TOGARAM1: variants seen among roughly 807,000 people sequenced by gnomAD.
The protein encoded by TOGARAM1 is TOG array regulator of axonemal microtubules 1, also known as TOG array regulator of axonemal microtubules protein 1.
TOGARAM1 carries 100 observed loss-of-function variants against 166.6 expected under a neutral mutation model. The ratio of observed to expected loss-of-function variants is 0.60; its 90% confidence interval spans 0.51 to 0.71. TOGARAM1 has a LOEUF of 0.71. Among genes scored for constraint, TOGARAM1 ranks in the 30% least tolerant of loss-of-function variants. The pLI, the probability that TOGARAM1 is intolerant of heterozygous loss-of-function variation, is 0.00. For synonymous variants in TOGARAM1, 758 were observed against 763.8 expected (o/e 0.99, Z 0.13); for missense variants, 2,029 against 2,102.7 (o/e 0.96, Z 0.69).
intron 1 of TOGARAM1, among the ~76,000 whole-genome samples, chr14:44,974,652 G>A (rs72621070): frequency 0.048 from 7,368 of 152,168 alleles, 241 homozygotes; most frequent in East Asian, 0.13. Context: ...AGGTGGGGAA[G>A]TGATCTATAG....
chr14:45,005,883 C>G, intron 4 of TOGARAM1, 125 bp from the exon 5 acceptor site: 1 of 685,034 alleles, frequency 1.5e-6, no homozygotes, highest in Non-Finnish European at 2.3e-6. Context: ...AGCTTGTTCT[C>G]CCCAGTGACC....
chr14:45,069,683 T>C (rs1307463961), intron 18 of TOGARAM1, among the ~76,000 whole-genome samples: 1 of 152,060 alleles, frequency 6.6e-6, no homozygotes, highest in Non-Finnish European at 1.5e-5. Context: ...CACACAAGTA[T>C]TAGAACATCC....
At chr14:45,015,895 T>A (rs547869810) in intron 7 of TOGARAM1, among the ~76,000 whole-genome samples, 1 of 152,226 alleles carries the variant, frequency 6.6e-6, no homozygotes, top group East Asian at 1.9e-4. Flanking sequence ...CTTTTAAGAT[T>A]TAATATCTCT....
intron 13 of TOGARAM1, among the ~76,000 whole-genome samples, chr14:45,045,543 G>GTGTGTGTATGTGTATA (rs1457434775): frequency 5.1e-5 from 2 of 38,922 alleles, no homozygotes; most frequent in African/African-American, 1.8e-4. Context: ...GTCTGTGTGT[G>GTGTGTGTATGTGTATA]TATATATATA....
intron 10 of TOGARAM1, among the ~76,000 whole-genome samples, chr14:45,029,554 T>C (rs1881042819): frequency 6.6e-6 from 1 of 152,230 alleles, no homozygotes; most frequent in Non-Finnish European, 1.5e-5. Context: ...GCTCTGTTTA[T>C]GGTTATGAAC....
chr14:44,999,581 G>T, intron 3 of TOGARAM1, 84 bp downstream of exon 3: 2 of 1,113,302 alleles, frequency 1.8e-6, no homozygotes, highest in Non-Finnish European at 2.5e-6. Context: ...GATATTTTGT[G>T]TACTCATACT....
At chr14:45,003,105 T>C (rs1391517210) in intron 3 of TOGARAM1, among the ~76,000 whole-genome samples, 1 of 152,222 alleles carries the variant, frequency 6.6e-6, no homozygotes, top group African/African-American at 2.4e-5. Flanking sequence ...TAATTCTATA[T>C]GTAAATCTGT....
Position 45,068,458 on chromosome 14 carries a change from C to G in TOGARAM1, c.4784C>G (p.Ser1595Cys), listed in dbSNP as rs756509825. 7 of 1,611,762 alleles carry G rather than the reference C, an allele frequency of 4.3e-6. No individual in the cohort carries two copies. Among genetic ancestry groups the G allele is most frequent in the African/African-American group, 1.3e-5 (1 of 74,844 alleles). Residue 1595 changes from serine (S) to cysteine (C), a missense_variant, in exon 18 of 20, where the codon TCT becomes TGT. Around this residue, in one of 2 missense-constraint regions of TOGARAM1, gnomAD observed 576 missense variants for 670.5 expected, o/e 0.86. Coordinates refer to ENST00000361462, the MANE Select transcript of TOGARAM1 (RefSeq NM_001308120.2). ...GCTTTTAAATCTCGACTTCATGATT[C>G]TAATAGTAAAGTAAATCTGGTGGCT... ...FDAFKSRLHD[S>C]NSKVNLVALE...
chr14:45,032,690 A>T (rs1174205786), intron 11 of TOGARAM1, among the ~76,000 whole-genome samples: 2 of 152,204 alleles, frequency 1.3e-5, no homozygotes, highest in Admixed American at 6.5e-5. Flanking sequence ...TATAATTATT[A>T]ATAGTCCTGG....
At chr14:45,031,702 A>G (rs1471143641) in intron 10 of TOGARAM1, among the ~76,000 whole-genome samples, 5 of 152,220 alleles carry the variant, frequency 3.3e-5, no homozygotes, top group Admixed American at 3.3e-4. Flanking sequence ...AATTTTGCAT[A>G]TAAAAAGTAA....
chr14:44,962,584 G>A lies in TOGARAM1; in HGVS notation c.163G>A (p.Gly55Arg). Residue 55 changes from glycine to arginine, a missense_variant, in exon 1 of 20, where the codon GGG becomes AGG. By Grantham distance (125) the Gly-to-Arg change is moderately radical. Transcript: ENST00000361462. ...AAACTACTACTTCCGTGGAGCTGCGGGGGACCACGGTTCCTGCCCCACTAC... is the reference window on the plus strand; with the variant it reads ...AAACTACTACTTCCGTGGAGCTGCGAGGGACCACGGTTCCTGCCCCACTAC... ...EKNYYFRGAA[G>R]DHGSCPTTTS... The A allele has an allele frequency of 6.2e-7, 1 of 1,613,878 alleles. No homozygotes were observed.
At chr14:44,969,978 T>C (rs1885792524) in intron 1 of TOGARAM1, among the ~76,000 whole-genome samples, 1 of 152,252 alleles carries the variant, frequency 6.6e-6, no homozygotes, top group Non-Finnish European at 1.5e-5. Context: ...AGTGTCAGTC[T>C]TCTGACTTTG....
chr14:45,059,016 C>A (rs952111969), intron 16 of TOGARAM1, among the ~76,000 whole-genome samples: 1 of 152,136 alleles, frequency 6.6e-6, no homozygotes, highest in Non-Finnish European at 1.5e-5. Flanking sequence ...ATAGTGATGA[C>A]AAAGTCTATT....
rs1448708412 is a variant in TOGARAM1, at chr14:45,073,329, A to T, written c.5090A>T (p.His1697Leu). Residue 1697 changes from histidine (H) to leucine (L), a missense_variant, in exon 20 of 20, where the codon CAT (histidine) becomes CTT (leucine). His to Leu is a moderately conservative substitution (Grantham distance 99, BLOSUM62 -3). Transcript: ENST00000361462. The part of the protein sequence containing the change: ...IVTELYQRKP[H>L]ATEQKVLVVL... ...ACGGAACTTTATCAAAGGAAGCCGC[A>T]TGCCACAGAGCAGAAAGTGTTGGTT... The T allele has an allele frequency of 6.2e-7, 1 of 1,613,718 alleles. No homozygotes were observed. Among genetic ancestry groups the T allele is most frequent in the African/African-American group, 1.3e-5 (1 of 74,944 alleles).
chr14:45,018,701 G>A (rs1011876622), intron 7 of TOGARAM1, among the ~76,000 whole-genome samples: 15 of 152,142 alleles, frequency 9.9e-5, no homozygotes, highest in African/African-American at 2.9e-4. Context: ...ATATAGTTTA[G>A]TACTGTTCTG....
intron 10 of TOGARAM1, among the ~76,000 whole-genome samples, chr14:45,030,146 AT>A (rs1881076341): frequency 1.3e-5 from 2 of 152,188 alleles, no homozygotes; most frequent in African/African-American, 2.4e-5. Flanking sequence ...AAAAAAAAAA[AT>A]CTTCATTTGA....
At chr14:44,972,919 GA>G (rs1328140186) in intron 1 of TOGARAM1, among the ~76,000 whole-genome samples, 1 of 151,972 alleles carries the variant, frequency 6.6e-6, no homozygotes, top group Non-Finnish European at 1.5e-5. Flanking sequence ...TGTTGATGAG[GA>G]AAAAAATTGG....
chr14:45,058,071 G>T (rs772766823), intron 16 of TOGARAM1, among the ~76,000 whole-genome samples: 7 of 152,108 alleles, frequency 4.6e-5, no homozygotes, highest in Non-Finnish European at 7.4e-5. Context: ...GGATTGTTTT[G>T]CTGTCTCTTT....
rs776959117 is a variant in TOGARAM1 at position 44,962,591 on chromosome 14, A to G, written c.170A>G (p.His57Arg). ...NYYFRGAAGD[H>R]GSCPTTTSPL... ...TACTTCCGTGGAGCTGCGGGGGACC[A>G]CGGTTCCTGCCCCACTACAACTTCG... The change falls in exon 1 of 20, where the codon CAC becomes CGC. Residue 57 changes from histidine (H) to arginine (R), a missense_variant. This residue lies in a region of TOGARAM1 where 1,453 missense variants were observed against 1,432.2 expected (regional missense o/e 1.01). Coordinates refer to ENST00000361462, the MANE Select transcript of TOGARAM1 (RefSeq NM_001308120.2). 14 of 1,613,794 alleles carry G rather than the reference A, an allele frequency of 8.7e-6. No homozygotes were observed. The highest frequency in any genetic ancestry group is 1.1e-5 in the Non-Finnish European group (13 of 1,179,766).
Sources: gnomAD v4.1 joint callset for allele counts (sites outside exome capture counted in the v4.1 genomes callset) on GRCh38, gnomAD v4.1.1 for gene constraint, gnomAD v4.1.1 regional missense constraint, MANE v1.5 for transcripts, NCBI Gene and HGNC (gene_info 2026-07-23, HGNC 2026-07-21) for gene names.